The following STXBP6 variants were observed in gnomAD, a reference collection of about 807,000 sequenced individuals.
STXBP6 encodes the protein syntaxin binding protein 6, also known as syntaxin-binding protein 6.
STXBP6 carries 21 observed loss-of-function variants against 26.9 expected under a neutral mutation model. The ratio of observed to expected loss-of-function variants is 0.78; its 90% CI spans 0.55 to 1.12. The LOEUF (loss-of-function observed/expected upper bound fraction) is 1.12. Ranked by LOEUF, STXBP6 falls within the 50% of genes most tolerant of loss-of-function variation. The pLI is 0.00. For synonymous variants in STXBP6, 97 were observed against 92.6 expected (o/e 1.05, Z -0.27); for missense variants, 232 against 257.9 (o/e 0.90, Z 0.69).
intron 1 of STXBP6, chr14:24,987,901 G>T: frequency 1.0e-6 from 1 of 985,248 alleles, no homozygotes; most frequent in Non-Finnish European, 1.2e-6. Flanking sequence ...CAATATCACT[G>T]CATTGTCCTA....
chr14:24,885,188 C>A (rs2070530849), intron 2 of STXBP6, among the ~76,000 whole-genome samples: 1 of 152,134 alleles, frequency 6.6e-6, no homozygotes, highest in East Asian at 1.9e-4. Flanking sequence ...TATTTCTATT[C>A]TTTACTTAAA....
chr14:24,911,521 G>A (rs1595094805), intron 2 of STXBP6, among the ~76,000 whole-genome samples: 2 of 152,108 alleles, frequency 1.3e-5, no homozygotes, highest in African/African-American at 4.8e-5. Flanking sequence ...AAGAAACCAA[G>A]CAGGACGATG....
At chr14:24,969,862 G>C (rs746593428) in intron 2 of STXBP6, among the ~76,000 whole-genome samples, 22 of 152,132 alleles carry the variant, frequency 1.4e-4, no homozygotes, top group Non-Finnish European at 2.9e-4. Flanking sequence ...ATAAAGGAGA[G>C]GATTAGTTTC....
At chr14:24,983,459 C>T (rs2074251350) in intron 1 of STXBP6, among the ~76,000 whole-genome samples, 1 of 152,216 alleles carries the variant, frequency 6.6e-6, no homozygotes, top group South Asian at 2.1e-4. Context: ...TTTTAATTAT[C>T]TGCTAGGTTC....
chr14:25,010,798 G>T (rs1398966219), intron 1 of STXBP6, among the ~76,000 whole-genome samples: 1 of 152,112 alleles, frequency 6.6e-6, no homozygotes, highest in Non-Finnish European at 1.5e-5. Context: ...TTGGGGGATA[G>T]GATTTGGTCA....
chr14:25,001,406 A>G (rs1398304459), intron 1 of STXBP6, among the ~76,000 whole-genome samples: 1 of 152,182 alleles, frequency 6.6e-6, no homozygotes, highest in Non-Finnish European at 1.5e-5. Context: ...ATCACTTTCA[A>G]CCATACCAGA....
In STXBP6 at chr14:24,819,037, C is replaced by G. The variant is rs776073452; in HGVS notation, c.609G>C (p.Lys203Asn). The change falls in exon 5 of 6, where the codon AAG becomes AAC. Residue 203 changes from lysine (K) to asparagine (N), a missense_variant and splice_region_variant. Lys to Asn is a moderately conservative substitution (Grantham distance 94). Coordinates refer to ENST00000323944, the MANE Select transcript of STXBP6 (RefSeq NM_001394410.1). The part of the protein sequence containing the change: ...SAQQFAETAH[K>N]LAMKHKC The stretch of plus-strand genomic sequence containing the variant: ...GAAGCCTGCTCCTCTCTTGGCCCAC[C>G]TTGTGCGCAGTTTCTGCAAACTGCT... 1 of 1,584,168 alleles carries G rather than the reference C, an allele frequency of 6.3e-7. No individual in the cohort carries two copies. The highest frequency in any genetic ancestry group is 8.6e-7 in the Non-Finnish European group (1 of 1,161,868).
At chr14:24,849,779 A>T (rs998592256) in intron 4 of STXBP6, among the ~76,000 whole-genome samples, 1 of 152,184 alleles carries the variant, frequency 6.6e-6, no homozygotes, top group Non-Finnish European at 1.5e-5. Flanking sequence ...ACATTCAGGC[A>T]TCAAGAAGCA....
intron 2 of STXBP6, among the ~76,000 whole-genome samples, chr14:24,928,559 C>A (rs1238457253): frequency 6.6e-6 from 1 of 152,138 alleles, no homozygotes; most frequent in African/African-American, 2.4e-5. Flanking sequence ...AATTGGATAA[C>A]CTACCCAGCT....
intron 2 of STXBP6, among the ~76,000 whole-genome samples, chr14:24,904,954 T>A (rs74040703): frequency 0.014 from 2,138 of 152,304 alleles, 47 homozygotes; most frequent in African/African-American, 0.046. Flanking sequence ...TTAGAAAGGA[T>A]GTTGAAAGAC....
At chr14:24,892,838 G>A (rs186923685) in intron 2 of STXBP6, among the ~76,000 whole-genome samples, 44 of 152,350 alleles carry the variant, frequency 2.9e-4, no homozygotes, top group Admixed American at 2.6e-3. Context: ...AGGGGCTTGG[G>A]CAGAAATGGG....
chr14:24,966,764 C>T (rs2073747003), intron 2 of STXBP6, among the ~76,000 whole-genome samples: 1 of 152,150 alleles, frequency 6.6e-6, no homozygotes, highest in Non-Finnish European at 1.5e-5. Context: ...GGCAGTGTCC[C>T]TGCCAGGAGT....
chr14:24,968,954 GC>G (rs1044311534), intron 2 of STXBP6, among the ~76,000 whole-genome samples: 18 of 151,992 alleles, frequency 1.2e-4, no homozygotes, highest in Non-Finnish European at 2.2e-4. Flanking sequence ...TTCCCCACCA[GC>G]CCCCCGTGCT....
chr14:24,963,970 T>TAAAAAAAAAA (rs768793147), intron 2 of STXBP6, among the ~76,000 whole-genome samples: 3 of 64,708 alleles, frequency 4.6e-5, no homozygotes, highest in Non-Finnish European at 6.0e-5. Flanking sequence ...AGCAAGTTTC[T>TAAAAAAAAAA]AAAAAAAAAA....
intron 1 of STXBP6, among the ~76,000 whole-genome samples, chr14:25,032,376 C>T (rs1416933794): frequency 3.3e-5 from 5 of 152,136 alleles, no homozygotes; most frequent in Admixed American, 6.5e-5. Flanking sequence ...GACTTGAGCA[C>T]CCCAAGGCCT....
Position 25,002,581 on chromosome 14 carries a change from G to A in STXBP6, c.-32-27731C>T, listed in dbSNP as rs374021582. On this transcript the variant is annotated intron_variant, in intron 1 of 5. Transcript: ENST00000323944. ...TCACCAGGTTAACCAGGATGGTCTC[G>A]ATCTCCTGACCTCGTGATCCATGTG... Among the ~76,000 whole-genome samples, 12 of 151,426 alleles carry A rather than the reference G, an allele frequency of 7.9e-5. No homozygotes were observed. The South Asian group carries it at 2.5e-3, about 32-fold the overall frequency.
chr14:24,889,870 G>A (rs1478005815), intron 2 of STXBP6, among the ~76,000 whole-genome samples: 1 of 152,200 alleles, frequency 6.6e-6, no homozygotes, highest in East Asian at 1.9e-4. Flanking sequence ...TAATCTCTAA[G>A]ACAGCTAAAG....
intron 1 of STXBP6, among the ~76,000 whole-genome samples, chr14:25,020,701 G>A (rs1241884178): frequency 2.6e-5 from 4 of 152,130 alleles, no homozygotes; most frequent in African/African-American, 9.7e-5. Flanking sequence ...CCTTCACTGT[G>A]ATCAACCATT....
At chr14:25,037,817 A>G (rs1472887845) in intron 1 of STXBP6, among the ~76,000 whole-genome samples, 1 of 152,244 alleles carries the variant, frequency 6.6e-6, no homozygotes, top group Non-Finnish European at 1.5e-5. Flanking sequence ...TCATCTGGAG[A>G]TCAAATGGTT....
Sources: gnomAD v4.1 joint callset for allele counts (sites outside exome capture counted in the v4.1 genomes callset) on GRCh38, gnomAD v4.1.1 for gene constraint, MANE v1.5 for transcripts, NCBI Gene and HGNC (gene_info 2026-07-23, HGNC 2026-07-21) for gene names.